Variants in KLHL13 observed in about 807,000 individuals in gnomAD.
KLHL13 encodes kelch-like protein 13.
In KLHL13, 10 loss-of-function variants were observed where a neutral mutation model predicts 37.1. The observed-to-expected ratio is 0.27, with a 90% CI of 0.17 to 0.46. KLHL13 has a LOEUF of 0.46. Ranked by LOEUF, KLHL13 falls within the 20% of genes least tolerant of loss-of-function variation. KLHL13 has a pLI of 1.00. For synonymous variants in KLHL13, 163 were observed against 181.2 expected (o/e 0.90, Z 0.81); for missense variants, 360 against 509.3 (o/e 0.71, Z 2.82).
chrX:117,910,000 A>G, exon 5 of KLHL13: 2 of 1,209,649 alleles, frequency 1.7e-6, no homozygotes, highest in Non-Finnish European at 2.2e-6. Context: ...AATGCAGGAA[A>G]ATTCTTCAAG....
intron 1 of KLHL13, among the ~76,000 whole-genome samples, chrX:118,066,059 T>C (rs1448322515): frequency 1.8e-5 from 2 of 111,634 alleles, no homozygotes; most frequent in African/African-American, 6.5e-5. Context: ...TGACAGGTAA[T>C]ATTTATTTAG....
chrX:118,101,948 T>G (rs1336379002), intron 1 of KLHL13, among the ~76,000 whole-genome samples: 1 of 111,909 alleles, frequency 8.9e-6, no homozygotes, highest in Non-Finnish European at 1.9e-5. Flanking sequence ...CCTTTATAAA[T>G]TATCCAGTCT....
At chrX:118,028,300 C>A in intron 1 of KLHL13, 124 bp downstream of exon 2, 1 of 394,535 alleles carries the variant, frequency 2.5e-6, no homozygotes, top group Non-Finnish European at 4.4e-6. Flanking sequence ...CATTCTCTAA[C>A]TCATTCATAC....
intron 1 of KLHL13, among the ~76,000 whole-genome samples, chrX:118,042,966 G>C (rs978615225): frequency 9.2e-6 from 1 of 108,167 alleles, no homozygotes; most frequent in Non-Finnish European, 1.9e-5. Flanking sequence ...TTGGTTTTTT[G>C]AAAAGAGAAA....
chrX:118,105,047 AT>A (rs2055331537), intron 1 of KLHL13, among the ~76,000 whole-genome samples: 1 of 112,548 alleles, frequency 8.9e-6, no homozygotes, highest in African/African-American at 3.2e-5. Context: ...CCAGTTTAAA[AT>A]AAACACGCCC....
rs56373597 is a variant in KLHL13 at position 117,991,846 on chromosome X, ACTCTCTCTCTCTCT to A, written c.-55-46285_-55-46272del. Among the ~76,000 whole-genome samples, 105 of 63,492 alleles carry A rather than the reference ACTCTCTCTCTCTCT, an allele frequency of 1.7e-3. No individual in the cohort carries two copies. The East Asian group carries it at 0.02, about 12-fold the overall frequency. 55.1% of individuals were successfully genotyped at this position (63,492 alleles called of 115,157 possible). A position where few individuals can be genotyped will look rare whatever the true frequency, so the allele number is the denominator to read the frequency against. ...TCAAAATATCTTCTCCTACAGTGAA[ACTCTCTCTCTCTCT>A]CTCTCTCTCTCTCTCTCTCTCTCTC... On this transcript the variant is annotated intron_variant, in intron 1 of 6. Coordinates refer to the KLHL13 transcript ENST00000371882.
At chrX:117,913,290 C>T (rs1350810241) in intron 4 of KLHL13, among the ~76,000 whole-genome samples, 1 of 111,691 alleles carries the variant, frequency 9.0e-6, no homozygotes, top group African/African-American at 3.3e-5. Flanking sequence ...TGTTTATCCA[C>T]TGGATACATA....
chrX:117,945,568 C>T (rs148399043), exon 2 of KLHL13: 128 of 1,193,444 alleles, frequency 1.1e-4, no homozygotes, highest in Middle Eastern at 4.6e-4. Flanking sequence ...TCCTCTTCCA[C>T]GAGAGATCTG....
chrX:117,913,731 T>A (rs1243572920), intron 4 of KLHL13, among the ~76,000 whole-genome samples: 1 of 109,436 alleles, frequency 9.1e-6, no homozygotes, highest in Non-Finnish European at 1.9e-5. Flanking sequence ...TATTCCCAGC[T>A]ACCTGGGAGG....
At chrX:117,989,286 C>A (rs760080996) in intron 1 of KLHL13, among the ~76,000 whole-genome samples, 9 of 111,087 alleles carry the variant, frequency 8.1e-5, no homozygotes, top group African/African-American at 2.9e-4. Context: ...TCCCATTTTA[C>A]TCATGAAGAA....
intron 1 of KLHL13, among the ~76,000 whole-genome samples, chrX:118,090,463 T>C (rs1403777353): frequency 9.0e-6 from 1 of 111,514 alleles, no homozygotes; most frequent in Non-Finnish European, 1.9e-5. Flanking sequence ...AAAAAGTGGG[T>C]GAAGGATATC....
At chrX:118,098,285 A>G (rs2055237804) in intron 1 of KLHL13, among the ~76,000 whole-genome samples, 1 of 112,346 alleles carries the variant, frequency 8.9e-6, no homozygotes, top group South Asian at 3.7e-4. Flanking sequence ...GACACTTCTC[A>G]AAAGAAGACA....
At chrX:118,114,102 T>C (rs1022378607) in intron 1 of KLHL13, among the ~76,000 whole-genome samples, 2 of 112,518 alleles carry the variant, frequency 1.8e-5, no homozygotes, top group South Asian at 7.3e-4. Flanking sequence ...TAAAAATACA[T>C]CGGTTTCAAT....
intron 2 of KLHL13, among the ~76,000 whole-genome samples, chrX:117,928,523 G>A (rs1442516953): frequency 8.9e-6 from 1 of 111,901 alleles, no homozygotes; most frequent in Non-Finnish European, 1.9e-5. Flanking sequence ...TCTGGCCCCA[G>A]CTTAATTATA....
At chrX:118,058,054 T>C (rs758069221) in intron 1 of KLHL13, among the ~76,000 whole-genome samples, 56 of 111,098 alleles carry the variant, frequency 5.0e-4, no homozygotes, top group Non-Finnish European at 3.8e-4. Context: ...CATGAAGTTA[T>C]CCAATGTCAA....
chrX:118,098,944 TGGGGGAAGGGGGGA>T (rs2055249048), intron 1 of KLHL13, among the ~76,000 whole-genome samples: 1 of 13,462 alleles, frequency 7.4e-5, no homozygotes, highest in African/African-American at 3.1e-4. Flanking sequence ...GGAAGGGGGG[TGGGGGAAGGGGGGA>T]GGGGGGAGAG....
intron 1 of KLHL13, among the ~76,000 whole-genome samples, chrX:118,068,002 C>T (rs953530001): frequency 9.0e-6 from 1 of 111,540 alleles, no homozygotes; most frequent in Admixed American, 9.6e-5. Context: ...ACAGTGGGGT[C>T]GTTTACACCA....
chrX:117,973,585 C>T lies in KLHL13; in HGVS notation c.-757G>A, dbSNP rs777954237. 5 of 870,123 alleles carry T rather than the reference C, an allele frequency of 5.7e-6. No homozygotes were observed. In the South Asian group the frequency reaches 1.6e-4, roughly 27 times the overall value. 71.7% of individuals were successfully genotyped at this position (870,123 alleles called of 1,213,427 possible). ...AAACTGCTTCAGAACTCTGCAGGTTCTTCTAGTAGCTTCTGATTCAAGTTG... is the reference window on the plus strand; with the variant it reads ...AAACTGCTTCAGAACTCTGCAGGTTTTTCTAGTAGCTTCTGATTCAAGTTG... On this transcript the variant is annotated 5_prime_UTR_variant, in exon 1 of 7. Transcript: ENST00000262820.
intron 1 of KLHL13, among the ~76,000 whole-genome samples, chrX:118,112,786 T>G (rs2055426258): frequency 8.9e-6 from 1 of 111,830 alleles, no homozygotes; most frequent in Admixed American, 9.5e-5. Flanking sequence ...AAAGCTGGAT[T>G]GCTTTCAAGG....
Sources: gnomAD v4.1 joint callset for allele counts (sites outside exome capture counted in the v4.1 genomes callset) on GRCh38, gnomAD v4.1.1 for gene constraint, MANE v1.5 for transcripts, NCBI Gene and HGNC (gene_info 2026-07-23, HGNC 2026-07-21) for gene names.